The following PATJ variants were observed in gnomAD, a reference collection of about 807,000 sequenced individuals.
The protein encoded by PATJ is PATJ crumbs cell polarity complex component.
PATJ carries 190 observed loss-of-function variants against 224.9 expected under a neutral mutation model. The ratio of observed to expected loss-of-function variants is 0.84; its 90% CI spans 0.75 to 0.95. PATJ has a LOEUF of 0.95. Among genes scored for constraint, PATJ ranks in the 40% least tolerant of loss-of-function variants. The pLI, the probability that PATJ is intolerant of heterozygous loss-of-function variation, is 0.00. For synonymous variants in PATJ, 769 were observed against 820.3 expected (o/e 0.94, Z 1.07); for missense variants, 2,121 against 2,270.3 (o/e 0.93, Z 1.34).
chr1:61,743,240 A>G (rs1570170485), intron 1 of PATJ, among the ~76,000 whole-genome samples: 1 of 152,308 alleles, frequency 6.6e-6, no homozygotes, highest in Middle Eastern at 3.4e-3. Flanking sequence ...GCCTTAGGGG[A>G]AATTCCTGGA....
At chr1:61,762,991 T>C in intron 2 of PATJ, 22 bp from the exon 3 acceptor site, 2 of 1,593,198 alleles carry the variant, frequency 1.3e-6, no homozygotes, top group South Asian at 2.3e-5. Context: ...ACTATTACTC[T>C]ACTTATTCAT....
intron 28 of PATJ, among the ~76,000 whole-genome samples, chr1:61,992,365 G>A (rs867448708): frequency 7.9e-5 from 12 of 152,054 alleles, no homozygotes; most frequent in Middle Eastern, 3.2e-3. Context: ...TAATCCACCC[G>A]CCTCAGCCTC....
At chr1:61,967,115 T>A (rs1682284262) in intron 27 of PATJ, among the ~76,000 whole-genome samples, 2 of 152,216 alleles carry the variant, frequency 1.3e-5, no homozygotes, top group African/African-American at 4.8e-5. Flanking sequence ...GGAGTTGCTC[T>A]GGTTCAAACA....
chr1:61,822,722 C>T (rs1290383497), intron 14 of PATJ, among the ~76,000 whole-genome samples: 1 of 152,188 alleles, frequency 6.6e-6, no homozygotes, highest in African/African-American at 2.4e-5. Context: ...ACATCTGTCT[C>T]CTCATTTCCA....
chr1:62,069,895 A>AC (rs1474307787), intron 31 of PATJ, among the ~76,000 whole-genome samples: 2 of 152,086 alleles, frequency 1.3e-5, no homozygotes, highest in African/African-American at 2.4e-5. Context: ...TCTTAATAAA[A>AC]AAATGAAGGT....
At chr1:61,915,383 C>T (rs1167460601) in intron 26 of PATJ, among the ~76,000 whole-genome samples, 2 of 152,314 alleles carry the variant, frequency 1.3e-5, no homozygotes, top group Middle Eastern at 3.4e-3. Context: ...AAATGCTGCA[C>T]TGACGGAATT....
At chr1:62,099,364 T>C (rs1309289425) in intron 33 of PATJ, among the ~76,000 whole-genome samples, 1 of 147,304 alleles carries the variant, frequency 6.8e-6, no homozygotes, top group African/African-American at 2.5e-5. Context: ...TTTTTTTTTT[T>C]TTTTTTTTTT....
At chr1:62,010,426 CA>C (rs911031961) in intron 28 of PATJ, among the ~76,000 whole-genome samples, 4 of 151,756 alleles carry the variant, frequency 2.6e-5, no homozygotes, top group Admixed American at 2.0e-4. Context: ...CCCAGCTCCC[CA>C]AAAAACCCCC....
intron 1 of PATJ, among the ~76,000 whole-genome samples, chr1:61,752,053 G>T (rs747382091): frequency 1.3e-5 from 2 of 149,378 alleles, no homozygotes; most frequent in African/African-American, 4.9e-5. Flanking sequence ...CAGGAGAATC[G>T]CCTGAACCCG....
At chr1:62,034,595 T>G (rs1650003264) in intron 29 of PATJ, among the ~76,000 whole-genome samples, 1 of 152,200 alleles carries the variant, frequency 6.6e-6, no homozygotes, top group African/African-American at 2.4e-5. Context: ...TTGGTTGCCG[T>G]CTTCCTACTT....
chr1:62,113,518 C>T (rs1664098624), intron 34 of PATJ, among the ~76,000 whole-genome samples: 1 of 152,130 alleles, frequency 6.6e-6, no homozygotes, highest in South Asian at 2.1e-4. Context: ...CACATGCAGT[C>T]CCAGAAACTC....
chr1:61,971,875 T>C (rs1683028254), intron 27 of PATJ, among the ~76,000 whole-genome samples: 1 of 149,620 alleles, frequency 6.7e-6, no homozygotes, highest in Non-Finnish European at 1.5e-5. Context: ...TGTAGTCCCA[T>C]CTATTTGGGC....
intron 33 of PATJ, among the ~76,000 whole-genome samples, chr1:62,108,132 A>G (rs1281884374): frequency 1.3e-5 from 2 of 152,358 alleles, no homozygotes; most frequent in East Asian, 1.9e-4. Flanking sequence ...AATGTAAATA[A>G]GAATGACACA....
intron 7 of PATJ, among the ~76,000 whole-genome samples, chr1:61,783,657 T>A (rs991877962): frequency 7.7e-5 from 11 of 142,434 alleles, no homozygotes; most frequent in South Asian, 2.1e-4. Flanking sequence ...AGGTTTAAAA[T>A]TTTTTTTTTA....
intron 14 of PATJ, among the ~76,000 whole-genome samples, chr1:61,814,554 G>A (rs545063918): frequency 6.6e-5 from 10 of 151,736 alleles, no homozygotes; most frequent in Non-Finnish European, 7.4e-5. Context: ...GTGTGCGCGC[G>A]CGCGCGCATG....
chr1:61,766,818 C>T (rs951007533), intron 4 of PATJ, among the ~76,000 whole-genome samples: 4 of 152,098 alleles, frequency 2.6e-5, no homozygotes, highest in South Asian at 2.1e-4. Flanking sequence ...TTTGGCCAAG[C>T]GCAGTGGTTC....
intron 35 of PATJ, 56 bp downstream of exon 35, chr1:62,114,302 C>A: frequency 7.2e-7 from 1 of 1,392,178 alleles, no homozygotes; most frequent in Non-Finnish European, 1.0e-6. Context: ...GCTCTGATGC[C>A]TGTGAACACT....
chr1:62,002,709 CAAAAAAAAAAAA>C lies in PATJ; in HGVS notation c.3867+12359_3867+12370del, dbSNP rs766357883. On this transcript the variant is annotated intron_variant, in intron 28 of 43. Transcript: ENST00000642238. ...GGGCAACAAGAGCGAAACTCTGTCT[CAAAAAAAAAAAA>C]AAAAAAAAAAAAAGAGAGAGAGAAA... 7.1e-4 allele frequency among the ~76,000 whole-genome samples: 80 copies of C among 112,800 alleles called. No individual in the cohort carries two copies. The East Asian group carries it at 0.013, about 18-fold the overall frequency. The allele number at this position is 112,800 out of a possible 152,430, so 74.0% of individuals were successfully genotyped here.
intron 31 of PATJ, among the ~76,000 whole-genome samples, chr1:62,060,780 G>A (rs1027326477): frequency 3.3e-5 from 5 of 151,848 alleles, no homozygotes; most frequent in Admixed American, 6.6e-5. Flanking sequence ...GGCCTCAAGC[G>A]GTCCTCCCAC....
Sources: allele counts gnomAD v4.1 joint callset (sites outside exome capture counted in the v4.1 genomes callset), GRCh38; gene constraint gnomAD v4.1.1; transcripts MANE v1.5; gene names NCBI Gene and HGNC (gene_info 2026-07-23, HGNC 2026-07-21).